Variants in SCHIP1 observed in about 807,000 individuals in gnomAD.
SCHIP1 encodes the protein schwannomin-interacting protein 1.
Under a neutral mutation model 29.7 loss-of-function variants are expected in SCHIP1, and 8 were observed. That is an observed-to-expected ratio of 0.27 (90% CI 0.16 to 0.49). SCHIP1 has a LOEUF of 0.49. SCHIP1 is among the 20% of genes least tolerant of loss of function. The probability of loss-of-function intolerance (pLI) is 0.99; values close to 1 mark genes in which losing one functional copy is unlikely to be tolerated. For missense variants in SCHIP1, 193 were observed against 294.6 expected, an observed-to-expected ratio of 0.66 and a Z score of 2.52; for synonymous variants, 76 against 94.9, an observed-to-expected ratio of 0.80 and a Z score of 1.16.
At chr3:159,724,718 TA>T in the SCHIP1 span, among the ~76,000 whole-genome samples, 1 of 152,026 alleles carries the variant, frequency 6.6e-6, no homozygotes, top group African/African-American at 2.4e-5. Flanking sequence ...AATCCCTGGG[TA>T]AAAAAAATTC....
rs771445805 is a variant in SCHIP1 at position 159,840,249 on chromosome 3, C to T, written c.30+35C>T. On this transcript the variant is annotated intron_variant, in intron 1 of 6. Transcript: ENST00000445224. ...AAAGCCTGATTCTGAGGCCGGCATCCTTTGGGAGAGGAGGCCTTCCTCTTC... is the reference window on the plus strand; with the variant it reads ...AAAGCCTGATTCTGAGGCCGGCATCTTTTGGGAGAGGAGGCCTTCCTCTTC... 12 of 1,514,384 alleles carry T rather than the reference C, an allele frequency of 7.9e-6. No individual in the cohort carries two copies. In the South Asian group the frequency reaches 1.4e-4, roughly 18 times the overall value. 93.8% of individuals were successfully genotyped at this position (1,514,384 alleles called of 1,614,324 possible).
At chr3:159,603,504 G>A in the SCHIP1 span, among the ~76,000 whole-genome samples, 2 of 152,254 alleles carry the variant, frequency 1.3e-5, no homozygotes, top group South Asian at 2.1e-4. Context: ...CTATCTAGGG[G>A]CTGCCAGCCA....
chr3:159,364,006 CTCTT>C, the SCHIP1 span, among the ~76,000 whole-genome samples: 2 of 152,160 alleles, frequency 1.3e-5, no homozygotes, highest in Admixed American at 1.3e-4. Context: ...AGCAAACTTT[CTCTT>C]TCTTTTTCTC....
At chr3:159,409,224 G>T in the SCHIP1 span, among the ~76,000 whole-genome samples, 2 of 151,856 alleles carry the variant, frequency 1.3e-5, no homozygotes, top group Non-Finnish European at 2.9e-5. Context: ...CTAAGATCTG[G>T]AACATGACAA....
At chr3:159,295,429 A>G in the SCHIP1 span, among the ~76,000 whole-genome samples, 1 of 151,758 alleles carries the variant, frequency 6.6e-6, no homozygotes, top group Admixed American at 6.6e-5. Context: ...ACTCCATCTC[A>G]CAAAAGTCAA....
At chr3:159,317,013 C>A in the SCHIP1 span, among the ~76,000 whole-genome samples, 1 of 152,168 alleles carries the variant, frequency 6.6e-6, no homozygotes, top group Admixed American at 6.5e-5. Flanking sequence ...TGTGGGCGTT[C>A]TTCCTGGTGG....
chr3:159,415,562 C>T, the SCHIP1 span, among the ~76,000 whole-genome samples: 3 of 152,230 alleles, frequency 2.0e-5, no homozygotes, highest in South Asian at 2.1e-4. Context: ...GTTTTCTCTT[C>T]CTGTGTTAGT....
chr3:159,413,501 G>C, the SCHIP1 span, among the ~76,000 whole-genome samples: 4 of 152,078 alleles, frequency 2.6e-5, no homozygotes, highest in Non-Finnish European at 5.9e-5. Context: ...AATATTTCTT[G>C]AGGGCCCATT....
the SCHIP1 span, among the ~76,000 whole-genome samples, chr3:159,790,306 G>C: frequency 1.3e-5 from 2 of 152,226 alleles, no homozygotes; most frequent in African/African-American, 4.8e-5. Context: ...AGAGGAACTT[G>C]AGCAGCATTA....
the SCHIP1 span, among the ~76,000 whole-genome samples, chr3:159,417,268 G>T: frequency 6.6e-6 from 1 of 152,190 alleles, no homozygotes; most frequent in Non-Finnish European, 1.5e-5. Flanking sequence ...CTGGAGGACT[G>T]CTCAGAGCTT....
the SCHIP1 span, among the ~76,000 whole-genome samples, chr3:159,610,899 G>A: frequency 1.3e-5 from 2 of 151,972 alleles, no homozygotes; most frequent in Non-Finnish European, 2.9e-5. Flanking sequence ...GTGTATTTGT[G>A]TTTCGAAACT....
the SCHIP1 span, among the ~76,000 whole-genome samples, chr3:159,635,675 C>T: frequency 6.6e-6 from 1 of 152,146 alleles, no homozygotes; most frequent in African/African-American, 2.4e-5. Context: ...TCCTTACTCT[C>T]ATTTGAAAAC....
the SCHIP1 span, chr3:159,765,008 G>A: frequency 4.4e-5 from 67 of 1,535,058 alleles, no homozygotes; most frequent in Non-Finnish European, 5.4e-5. Context: ...CCAGACGGCG[G>A]GACGTGCGTC....
chr3:159,564,016 T>C, the SCHIP1 span, among the ~76,000 whole-genome samples: 1 of 152,186 alleles, frequency 6.6e-6, no homozygotes, highest in Non-Finnish European at 1.5e-5. Context: ...AAGACTCTTA[T>C]TTTTATCTCC....
the SCHIP1 span, among the ~76,000 whole-genome samples, chr3:159,628,576 A>G: frequency 6.6e-6 from 1 of 152,228 alleles, no homozygotes; most frequent in Non-Finnish European, 1.5e-5. Flanking sequence ...AATCTGTAAG[A>G]AAGAATTACA....
At chr3:159,765,278 C>T in the SCHIP1 span, 19 of 996,884 alleles carry the variant, frequency 1.9e-5, no homozygotes, top group Non-Finnish European at 2.5e-5. Context: ...GGCCAGAGAG[C>T]CTGCCGTCTG....
the SCHIP1 span, among the ~76,000 whole-genome samples, chr3:159,640,725 A>G: frequency 1.3e-5 from 2 of 152,098 alleles, no homozygotes; most frequent in African/African-American, 4.8e-5. Context: ...TCTCCCCAAA[A>G]CACAGCCCCA....
chr3:159,575,444 A>G, the SCHIP1 span, among the ~76,000 whole-genome samples: 1 of 151,346 alleles, frequency 6.6e-6, no homozygotes, highest in Admixed American at 6.6e-5. Flanking sequence ...TTTCTTTATT[A>G]TCTTTTTTTG....
chr3:159,419,905 A>G, the SCHIP1 span, among the ~76,000 whole-genome samples: 5 of 152,228 alleles, frequency 3.3e-5, no homozygotes, highest in South Asian at 2.1e-4. Flanking sequence ...ACTCGGTGGC[A>G]TGACTGGACA....
Sources: allele counts gnomAD v4.1 joint callset (sites outside exome capture counted in the v4.1 genomes callset), GRCh38; gene constraint gnomAD v4.1.1; transcripts MANE v1.5; gene names NCBI Gene and HGNC (gene_info 2026-07-23, HGNC 2026-07-21).